PSMD1: variants seen among roughly 807,000 people sequenced by gnomAD.
PSMD1 encodes 26S proteasome non-ATPase regulatory subunit 1.
Under a neutral mutation model 119.0 loss-of-function variants are expected in PSMD1, and 18 were observed. The observed-to-expected ratio is 0.15, with a 90% CI of 0.10 to 0.22. The LOEUF (loss-of-function observed/expected upper bound fraction) is 0.22. PSMD1 is among the 10% of genes least tolerant of loss of function. The pLI is 1.00. For synonymous variants in PSMD1, 374 were observed against 396.6 expected (o/e 0.94, Z 0.68); for missense variants, 702 against 1,158.5 (o/e 0.61, Z 5.72).
At chr2:231,071,733 A>G (rs182782247) in intron 6 of PSMD1, among the ~76,000 whole-genome samples, 1 of 152,340 alleles carries the variant, frequency 6.6e-6, no homozygotes, top group Admixed American at 6.5e-5. Flanking sequence ...ATGGCAGATC[A>G]TAAGAGTAGT....
intron 6 of PSMD1, 35 bp downstream of exon 6, chr2:231,070,203 C>T (rs1398047527): frequency 1.4e-6 from 2 of 1,461,926 alleles, no homozygotes; most frequent in African/African-American, 2.8e-5. Flanking sequence ...TTACATTGCT[C>T]CACGCTGTAC....
intron 13 of PSMD1, 41 bp downstream of exon 13, chr2:231,083,035 T>C: frequency 2.1e-6 from 3 of 1,403,414 alleles, no homozygotes; most frequent in African/African-American, 1.4e-5. Flanking sequence ...TAAGTATTAA[T>C]TAATGTAAAT....
At chr2:231,068,083 A>T (rs913713892) in intron 5 of PSMD1, among the ~76,000 whole-genome samples, 3 of 152,180 alleles carry the variant, frequency 2.0e-5, no homozygotes, top group Non-Finnish European at 4.4e-5. Flanking sequence ...GACTAGGTCC[A>T]GTTCTGTTGT....
At chr2:231,097,153 T>C (rs549221727) in intron 16 of PSMD1, among the ~76,000 whole-genome samples, 22 of 152,342 alleles carry the variant, frequency 1.4e-4, no homozygotes, top group African/African-American at 4.3e-4. Flanking sequence ...CTGGATAAGA[T>C]GGAGGATAGT....
At chr2:231,137,399 GC>G (rs1171155281) in intron 16 of PSMD1, among the ~76,000 whole-genome samples, 1 of 152,054 alleles carries the variant, frequency 6.6e-6, no homozygotes, top group African/African-American at 2.4e-5. Flanking sequence ...ACAGGCATGA[GC>G]CACTGTGCCC....
At chr2:231,104,433 A>G (rs1238665455) in intron 16 of PSMD1, among the ~76,000 whole-genome samples, 1 of 152,118 alleles carries the variant, frequency 6.6e-6, no homozygotes, top group African/African-American at 2.4e-5. Flanking sequence ...TCTTTTCATA[A>G]AACGAATCTT....
chr2:231,161,770 A>T (rs1696647028), intron 20 of PSMD1, among the ~76,000 whole-genome samples: 1 of 152,238 alleles, frequency 6.6e-6, no homozygotes, highest in Non-Finnish European at 1.5e-5. Flanking sequence ...AAATATAAAC[A>T]TACGAAGAGG....
chr2:231,120,082 G>C (rs1030904147), intron 16 of PSMD1, among the ~76,000 whole-genome samples: 4 of 151,624 alleles, frequency 2.6e-5, no homozygotes, highest in Admixed American at 6.6e-5. Flanking sequence ...CTCCCGAGTA[G>C]CTGGGACTAC....
At chr2:231,075,694 C>A in intron 8 of PSMD1, 123 bp downstream of exon 8, 1 of 774,610 alleles carries the variant, frequency 1.3e-6, no homozygotes, top group Non-Finnish European at 2.0e-6. Flanking sequence ...TTCCTCCCAC[C>A]TTAGCCTCCC....
At chr2:231,068,471 A>G (rs183432614) in intron 5 of PSMD1, among the ~76,000 whole-genome samples, 5 of 151,996 alleles carry the variant, frequency 3.3e-5, no homozygotes, top group Admixed American at 1.3e-4. Flanking sequence ...GGAGATGTGC[A>G]TTGTCCCCAT....
chr2:231,131,538 G>A (rs1362003485), intron 16 of PSMD1, among the ~76,000 whole-genome samples: 2 of 49,858 alleles, frequency 4.0e-5, no homozygotes, highest in Non-Finnish European at 6.4e-5. Flanking sequence ...CGAGGCGGGC[G>A]GATCACGAGG....
At chr2:231,072,110 A>G in intron 6 of PSMD1, 79 bp from the exon 7 acceptor site, 2 of 1,197,616 alleles carry the variant, frequency 1.7e-6, no homozygotes, top group Non-Finnish European at 2.4e-6. Context: ...GGTTTTCTAT[A>G]ATGTTGATTT....
At chr2:231,123,338 TTAAATGAGTGTC>T in intron 16 of PSMD1, 1 of 1,069,114 alleles carries the variant, frequency 9.4e-7, no homozygotes, top group Non-Finnish European at 1.5e-6. Flanking sequence ...AAAGTAAAGA[TTAAATGAGTGTC>T]CATTCTCTAA....
chr2:231,100,133 G>C (rs1694828698), intron 16 of PSMD1, among the ~76,000 whole-genome samples: 1 of 152,206 alleles, frequency 6.6e-6, no homozygotes, highest in Admixed American at 6.5e-5. Flanking sequence ...CATCCCGGGA[G>C]GGGAATGCAA....
intron 16 of PSMD1, among the ~76,000 whole-genome samples, chr2:231,087,512 T>C (rs1574718772): frequency 6.6e-6 from 1 of 152,360 alleles, no homozygotes; most frequent in East Asian, 1.9e-4. Context: ...CAAATGGATA[T>C]TATCTCTTAC....
chr2:231,069,185 T>C (rs1415063917), intron 5 of PSMD1, among the ~76,000 whole-genome samples: 2 of 151,590 alleles, frequency 1.3e-5, no homozygotes, highest in East Asian at 3.9e-4. Context: ...ATGAAAAATG[T>C]TTTAAAAAAA....
At chr2:231,144,247 G>A (rs914509468) in intron 17 of PSMD1, among the ~76,000 whole-genome samples, 1 of 145,656 alleles carries the variant, frequency 6.9e-6, no homozygotes, top group Non-Finnish European at 1.5e-5. Context: ...AAAGAGGTTT[G>A]TTTCCTTTTT....
At chr2:231,083,533 A>T in intron 13 of PSMD1, 34 bp from the exon 14 acceptor site, 1 of 1,608,106 alleles carries the variant, frequency 6.2e-7, no homozygotes, top group African/African-American at 1.3e-5. Flanking sequence ...TAAAAACATA[A>T]CTCTCTGTTA....
At chr2:231,068,764 T>C (rs1247387488) in intron 5 of PSMD1, among the ~76,000 whole-genome samples, 3 of 152,176 alleles carry the variant, frequency 2.0e-5, no homozygotes, top group Non-Finnish European at 4.4e-5. Flanking sequence ...ATAACCCTTA[T>C]TCTACTCAGT....
Sources: gnomAD v4.1 joint callset for allele counts (sites outside exome capture counted in the v4.1 genomes callset) on GRCh38, gnomAD v4.1.1 for gene constraint, MANE v1.5 for transcripts, NCBI Gene and HGNC (gene_info 2026-07-23, HGNC 2026-07-21) for gene names.